MYH9: variants seen among roughly 807,000 people sequenced by gnomAD.
The protein encoded by MYH9 is myosin-9.
MYH9 carries 29 observed loss-of-function variants against 241.9 expected under a neutral mutation model. The ratio of observed to expected loss-of-function variants is 0.12; its 90% CI spans 0.09 to 0.16. The LOEUF (loss-of-function observed/expected upper bound fraction) is 0.16. Ranked by LOEUF, MYH9 falls within the 10% of genes least tolerant of loss-of-function variation. The pLI, the probability that MYH9 is intolerant of heterozygous loss-of-function variation, is 1.00. For missense variants in MYH9, 1,803 were observed against 2,595.5 expected (o/e 0.69, Z 6.63); for synonymous variants, 1,047 against 1,062.6 (o/e 0.99, Z 0.29).
At chr22:36,340,674 A>AG (rs2017571894) in intron 3 of MYH9, among the ~76,000 whole-genome samples, 1 of 151,962 alleles carries the variant, frequency 6.6e-6, no homozygotes, top group African/African-American at 2.4e-5. Flanking sequence ...AAAAAAAAAA[A>AG]AAAGAAAGAA....
intron 1 of MYH9, among the ~76,000 whole-genome samples, chr22:36,358,222 A>G (rs1388647417): frequency 3.3e-5 from 5 of 152,010 alleles, no homozygotes; most frequent in African/African-American, 1.2e-4. Flanking sequence ...ACACCGCCAC[A>G]CCCGGCTAAT....
intron 1 of MYH9, among the ~76,000 whole-genome samples, chr22:36,383,567 GC>G (rs1158234441): frequency 6.6e-6 from 1 of 151,660 alleles, no homozygotes; most frequent in African/African-American, 2.4e-5. Flanking sequence ...AGAACACCGA[GC>G]TAGAAGCCAG....
intron 4 of MYH9, 138 bp from the exon 5 acceptor site, chr22:36,326,799 T>C: frequency 1.3e-6 from 1 of 745,042 alleles, no homozygotes; most frequent in East Asian, 2.6e-5. Flanking sequence ...AAAACGGGAC[T>C]GCCACATAAA....
chr22:36,313,774 T>C (rs1022610384), intron 13 of MYH9, among the ~76,000 whole-genome samples: 5 of 152,152 alleles, frequency 3.3e-5, no homozygotes, highest in Non-Finnish European at 7.3e-5. Flanking sequence ...GATAGGGCCT[T>C]ACTACATCCA....
At chr22:36,377,311 G>A (rs1289542858) in intron 1 of MYH9, among the ~76,000 whole-genome samples, 1 of 152,088 alleles carries the variant, frequency 6.6e-6, no homozygotes, top group Non-Finnish European at 1.5e-5. Context: ...ACAGGAAGCT[G>A]CCTTCTCTAG....
chr22:36,354,608 TA>T (rs1263987729), intron 1 of MYH9, among the ~76,000 whole-genome samples: 1 of 151,568 alleles, frequency 6.6e-6, no homozygotes, highest in Non-Finnish European at 1.5e-5. Flanking sequence ...CACGCCCAGC[TA>T]ATTTTTGTAG....
chr22:36,324,135 G>A (rs1038725516), intron 5 of MYH9, among the ~76,000 whole-genome samples: 7 of 152,224 alleles, frequency 4.6e-5, no homozygotes, highest in South Asian at 4.1e-4. Flanking sequence ...GCTGGGAGGC[G>A]AACTGAGGCC....
At chr22:36,322,620 TGTCCAAC>T in intron 5 of MYH9, 99 bp from the exon 6 acceptor site, 1 of 1,171,312 alleles carries the variant, frequency 8.5e-7, no homozygotes, top group Non-Finnish European at 1.3e-6. Flanking sequence ...CGTGTCAGCA[TGTCCAAC>T]GTGCCAGGAA....
chr22:36,287,997 C>A (rs1358483101), intron 34 of MYH9, among the ~76,000 whole-genome samples: 1 of 152,184 alleles, frequency 6.6e-6, no homozygotes, highest in Non-Finnish European at 1.5e-5. Flanking sequence ...CATGTCTAGG[C>A]TTGTACTTGT....
At chr22:36,341,181 T>C (rs2017582463) in intron 3 of MYH9, among the ~76,000 whole-genome samples, 189 bp downstream of exon 3, 1 of 152,186 alleles carries the variant, frequency 6.6e-6, no homozygotes, top group Non-Finnish European at 1.5e-5. Flanking sequence ...TCTATCAACA[T>C]ATAAACATGT....
chr22:36,352,721 C>A (rs370484223), intron 1 of MYH9, among the ~76,000 whole-genome samples: 2 of 152,222 alleles, frequency 1.3e-5, no homozygotes, highest in East Asian at 3.8e-4. Context: ...ACAGTTCTTG[C>A]AAGAGGAAGA....
chr22:36,306,675 G>T lies in MYH9; in HGVS notation c.1844-68C>A. ...AGCTGGGTGGTGGGGGAGCACGTAG[G>T]AGAGAGAGACAGGCACACGTCGGAC... is the stretch of plus-strand genomic sequence containing the variant. On this transcript the variant is annotated intron_variant, in intron 15 of 40. Coordinates refer to ENST00000216181, the MANE Select transcript of MYH9 (RefSeq NM_002473.6). This position sits in a 1 kb window ranked among gnomAD's most constrained non-coding sequence, Gnocchi z 4.1. 6.8e-7 allele frequency: 1 copy of T among 1,469,300 alleles called. No individual in the cohort carries two copies. The highest frequency in any genetic ancestry group is 9.3e-7 in the Non-Finnish European group (1 of 1,070,764). The allele number at this position is 1,469,300 out of a possible 1,614,324, so 91.0% of individuals were successfully genotyped here.
At chr22:36,386,157 T>C (rs2018347537) in intron 1 of MYH9, among the ~76,000 whole-genome samples, 1 of 152,128 alleles carries the variant, frequency 6.6e-6, no homozygotes, top group African/African-American at 2.4e-5. Flanking sequence ...CACAGTACCT[T>C]TCCGGGGTCC....
At chr22:36,363,310 A>C (rs1166308517) in intron 1 of MYH9, among the ~76,000 whole-genome samples, 1 of 152,022 alleles carries the variant, frequency 6.6e-6, no homozygotes, top group African/African-American at 2.4e-5. Context: ...TGTCTCCCCA[A>C]CCCTCTTGCT....
At chr22:36,322,390 C>T in intron 6 of MYH9, 39 bp downstream of exon 6, 1 of 1,603,904 alleles carries the variant, frequency 6.2e-7, no homozygotes, top group Non-Finnish European at 8.5e-7. Context: ...CGGGCAAGGC[C>T]CTCTGTCCCC....
chr22:36,321,127 T>C (rs1337114640), intron 7 of MYH9, among the ~76,000 whole-genome samples: 1 of 152,124 alleles, frequency 6.6e-6, no homozygotes, highest in Non-Finnish European at 1.5e-5. Context: ...TAATTTTTAG[T>C]AGAGACAGAG....
At chr22:36,332,658 AATT>A (rs2017440770) in intron 3 of MYH9, among the ~76,000 whole-genome samples, 1 of 117,176 alleles carries the variant, frequency 8.5e-6, no homozygotes, top group Non-Finnish European at 1.8e-5. Flanking sequence ...CACTCTGGAT[AATT>A]AAAAAAAAAA....
intron 1 of MYH9, among the ~76,000 whole-genome samples, chr22:36,379,549 T>G (rs1460944407): frequency 6.6e-6 from 1 of 152,170 alleles, no homozygotes; most frequent in East Asian, 1.9e-4. Context: ...CATCTTGGCC[T>G]AAGAAGGCAA....
chr22:36,375,030 A>G (rs1207089645), intron 1 of MYH9, among the ~76,000 whole-genome samples: 1 of 152,170 alleles, frequency 6.6e-6, no homozygotes, highest in Non-Finnish European at 1.5e-5. Flanking sequence ...GTGGGAGACC[A>G]TCAGCTCCCA....
Sources: allele counts gnomAD v4.1 joint callset (sites outside exome capture counted in the v4.1 genomes callset), GRCh38; gene constraint gnomAD v4.1.1; non-coding constraint Gnocchi (gnomAD v3.1); transcripts MANE v1.5; gene names NCBI Gene and HGNC (gene_info 2026-07-23, HGNC 2026-07-21).